The following VPS13D variants were observed in gnomAD, a reference collection of about 807,000 sequenced individuals.
VPS13D encodes the protein vacuolar protein sorting 13 homolog D, also known as intermembrane lipid transfer protein VPS13D.
A neutral mutation model predicts 461.9 loss-of-function variants in VPS13D; 187 were observed. The ratio of observed to expected loss-of-function variants is 0.40; its 90% CI spans 0.36 to 0.46. The LOEUF (loss-of-function observed/expected upper bound fraction) is 0.46, where lower values mean the gene tolerates loss of function less well. Among genes scored for constraint, VPS13D ranks in the 20% least tolerant of loss-of-function variants. The pLI is 0.60. For missense variants in VPS13D, 4,711 were observed against 5,364.9 expected (o/e 0.88, Z 3.81); for synonymous variants, 1,951 against 1,986.3 (o/e 0.98, Z 0.47).
intron 24 of VPS13D, among the ~76,000 whole-genome samples, chr1:12,295,437 T>C (rs72866627): frequency 0.21 from 32,496 of 152,012 alleles, 6,354 homozygotes; most frequent in African/African-American, 0.52. Context: ...AGTTTCTCTC[T>C]CTGGAAGCAA....
At chr1:12,303,489 AG>A (rs1378497257) in intron 25 of VPS13D, among the ~76,000 whole-genome samples, 2 of 152,242 alleles carry the variant, frequency 1.3e-5, no homozygotes, top group African/African-American at 4.8e-5. Context: ...ACTAAGTGAG[AG>A]GGAAAGGTTT....
chr1:12,410,661 A>C (rs1381567069), intron 63 of VPS13D, among the ~76,000 whole-genome samples: 1 of 152,198 alleles, frequency 6.6e-6, no homozygotes, highest in Non-Finnish European at 1.5e-5. Context: ...TTTTTAAAAA[A>C]ATTATCAAAT....
In VPS13D at chr1:12,507,210, C is replaced by T. The variant is rs750133661; in HGVS notation, c.13035+117C>T. On this transcript the variant is annotated intron_variant, in intron 69 of 69. Transcript: ENST00000620676. The surrounding 1 kb of genome is among the most constrained non-coding windows in gnomAD (Gnocchi z 5.3). ...TAGGAGGTTGAGGCTGGGCCCTTCC[C>T]AGGAGTGCTGCCTCTCAGTCCTGAA... The T allele has an allele frequency of 1.9e-6, 3 of 1,566,962 alleles. No homozygotes were observed. The highest frequency in any genetic ancestry group is 2.2e-5 in the East Asian group (1 of 44,674).
chr1:12,436,011 A>T (rs1302982170), intron 65 of VPS13D, among the ~76,000 whole-genome samples: 2 of 152,182 alleles, frequency 1.3e-5, no homozygotes, highest in Non-Finnish European at 2.9e-5. Flanking sequence ...GCATAACCTC[A>T]TGTTAACAGG....
At chr1:12,356,613 A>C (rs1643887923) in intron 49 of VPS13D, 89 bp downstream of exon 49, 1 of 1,500,386 alleles carries the variant, frequency 6.7e-7, no homozygotes, top group African/African-American at 1.4e-5. Context: ...TGTAAGTAGA[A>C]ATATACTGTA....
At chr1:12,244,509 G>T (rs1432739333) in intron 4 of VPS13D, 28 bp from the exon 5 acceptor site, 1 of 1,613,828 alleles carries the variant, frequency 6.2e-7, no homozygotes, top group East Asian at 2.2e-5. Flanking sequence ...ACACTAGATT[G>T]AGCTAATGCT....
intron 65 of VPS13D, among the ~76,000 whole-genome samples, chr1:12,427,242 TTTATTATTATTATTATTA>T (rs55913483): frequency 2.5e-3 from 324 of 128,776 alleles, no homozygotes; most frequent in Non-Finnish European, 3.9e-3. Flanking sequence ...TTGTCATTAT[TTTATTATTATTATTATTA>T]TTATTATTAT....
At chr1:12,400,960 G>A (rs113041305) in intron 61 of VPS13D, among the ~76,000 whole-genome samples, 7,777 of 130,614 alleles carry the variant, frequency 0.06, 395 homozygotes, top group African/African-American at 0.14. Flanking sequence ...ACCTGCGCGC[G>A]CGCACACACA....
At chr1:12,410,889 A>G (rs1252747271) in intron 63 of VPS13D, among the ~76,000 whole-genome samples, 1 of 152,266 alleles carries the variant, frequency 6.6e-6, no homozygotes, top group Admixed American at 6.5e-5. Context: ...AAAAATGCAT[A>G]AAAGCTGTTT....
intron 32 of VPS13D, among the ~76,000 whole-genome samples, chr1:12,320,048 G>A (rs1472234707): frequency 2.0e-5 from 3 of 152,202 alleles, no homozygotes; most frequent in African/African-American, 7.2e-5. Flanking sequence ...GCTTTGGGAA[G>A]GGAAACCTAT....
At chr1:12,446,382 A>C (rs1645192304) in intron 65 of VPS13D, among the ~76,000 whole-genome samples, 1 of 151,292 alleles carries the variant, frequency 6.6e-6, no homozygotes, top group Non-Finnish European at 1.5e-5. Context: ...ATGCCACTGC[A>C]CTCCAGCCTG....
intron 54 of VPS13D, among the ~76,000 whole-genome samples, chr1:12,372,496 ATT>A (rs1557739580): frequency 6.6e-6 from 1 of 152,050 alleles, no homozygotes; most frequent in African/African-American, 2.4e-5. Context: ...CTTATTAGTC[ATT>A]TGTGTATATT....
chr1:12,428,664 G>A lies in VPS13D; in HGVS notation c.12333+11837G>A, dbSNP rs539662313. Among the ~76,000 whole-genome samples, 5 of 152,272 alleles carry A rather than the reference G, an allele frequency of 3.3e-5. No individual in the cohort carries two copies. The East Asian group carries it at 9.6e-4, about 29-fold the overall frequency. ...AGTCCACTTGCCATGTTAAGAATGT[G>A]ATCTCTCCCCACTGTGAGTTCCCAT... On this transcript the variant is annotated intron_variant, in intron 65 of 69. Transcript: ENST00000620676.
At position 12,318,329 on chromosome 1, in the gene VPS13D, A is replaced by G; in HGVS notation, c.7406A>G (p.Asn2469Ser). 2.5e-6 allele frequency: 4 copies of G among 1,608,814 alleles called. No homozygotes were observed. Among genetic ancestry groups the G allele is most frequent in the Non-Finnish European group, 1.7e-6 (2 of 1,175,624 alleles). ...SNERHLEVKV[N>S]VTGTEFVVIE... Reference sequence around the variant, plus strand: ...GAAAGGCACCTGGAGGTCAAGGTCAATGTAACAGGTGATTATATGTGGGTG... The same window carrying G: ...GAAAGGCACCTGGAGGTCAAGGTCAGTGTAACAGGTGATTATATGTGGGTG... The change falls in exon 31 of 70, where the codon AAT (asparagine) becomes AGT (serine). Residue 2469 changes from asparagine (N) to serine (S), a missense_variant. Physicochemically the swap from Asn to Ser is conservative, Grantham distance 46. Coordinates refer to ENST00000620676, the MANE Select transcript of VPS13D (RefSeq NM_015378.4).
At chr1:12,369,397 G>A (rs2101626686) in intron 53 of VPS13D, 70 bp from the exon 54 acceptor site, 1 of 1,400,708 alleles carries the variant, frequency 7.1e-7, no homozygotes, top group South Asian at 1.2e-5. Flanking sequence ...AACCTACAAA[G>A]CACTGACTCA....
At chr1:12,490,849 A>G (rs997426399) in intron 67 of VPS13D, among the ~76,000 whole-genome samples, 4 of 152,116 alleles carry the variant, frequency 2.6e-5, no homozygotes, top group African/African-American at 9.7e-5. Flanking sequence ...TGGGAGCTAC[A>G]GGTCCAAGAC....
At chr1:12,368,635 G>T in intron 53 of VPS13D, 44 bp downstream of exon 53, 1 of 1,593,904 alleles carries the variant, frequency 6.3e-7, no homozygotes, top group Non-Finnish European at 8.5e-7. Flanking sequence ...TTCATGTGTG[G>T]GAGGGTGGAG....
At position 12,268,351 on chromosome 1, in the gene VPS13D, GT is replaced by G. The variant is rs1391567321; in HGVS notation, c.1802-351del. The stretch of plus-strand genomic sequence containing the variant: ...TTTGATCAGTAGTAAAAGAGGGAAT[GT>G]TTTCTGTTTTGTGCGCAGTGGTTTG... On this transcript the variant is annotated intron_variant, in intron 15 of 69. Coordinates refer to ENST00000620676, the MANE Select transcript of VPS13D (RefSeq NM_015378.4). 2.7e-5 allele frequency among the ~76,000 whole-genome samples: 4 copies of G among 149,964 alleles called. No individual in the cohort carries two copies. In the East Asian group the frequency reaches 7.9e-4, roughly 29 times the overall value.
intron 67 of VPS13D, among the ~76,000 whole-genome samples, chr1:12,492,035 G>T (rs1173019515): frequency 6.6e-6 from 1 of 152,240 alleles, no homozygotes; most frequent in African/African-American, 2.4e-5. Context: ...GGAGAGGTGA[G>T]TGGGTGGATT....
Sources: gnomAD v4.1 joint callset for allele counts (sites outside exome capture counted in the v4.1 genomes callset) on GRCh38, gnomAD v4.1.1 for gene constraint, Gnocchi (gnomAD v3.1) non-coding constraint, MANE v1.5 for transcripts, NCBI Gene and HGNC (gene_info 2026-07-23, HGNC 2026-07-21) for gene names.